Variants in JAZF1 observed in about 807,000 individuals in gnomAD.
JAZF1 encodes the protein JAZF zinc finger 1, also known as juxtaposed with another zinc finger protein 1.
JAZF1 carries 8 observed loss-of-function variants against 26.4 expected under a neutral mutation model. That is an observed-to-expected ratio of 0.30 (90% CI 0.18 to 0.55). JAZF1 has a LOEUF of 0.55. Among genes scored for constraint, JAZF1 ranks in the 20% least tolerant of loss-of-function variants. The probability of loss-of-function intolerance (pLI) is 0.94; values close to 1 mark genes in which losing one functional copy is unlikely to be tolerated. For synonymous variants in JAZF1, 126 were observed against 122.3 expected (o/e 1.03, Z -0.20); for missense variants, 199 against 322.0 (o/e 0.62, Z 2.92).
intron 2 of JAZF1, among the ~76,000 whole-genome samples, chr7:27,921,522 A>C (rs1187448724): frequency 1.3e-5 from 2 of 152,176 alleles, no homozygotes; most frequent in Non-Finnish European, 2.9e-5. Flanking sequence ...TATGTTTGTC[A>C]TAAGGGCAGA....
intron 2 of JAZF1, among the ~76,000 whole-genome samples, chr7:27,955,957 A>T (rs902380321): frequency 6.6e-6 from 1 of 152,162 alleles, no homozygotes; most frequent in South Asian, 2.1e-4. Context: ...TCTTTGGAAG[A>T]GCATCTCATG....
At chr7:28,065,729 C>T (rs1783870448) in intron 1 of JAZF1, among the ~76,000 whole-genome samples, 1 of 152,142 alleles carries the variant, frequency 6.6e-6, no homozygotes, top group Non-Finnish European at 1.5e-5. Context: ...TTTTCTTTTT[C>T]TTTCCTAGGA....
At chr7:27,909,902 AAGAC>A (rs1399215244) in intron 2 of JAZF1, among the ~76,000 whole-genome samples, 4 of 152,246 alleles carry the variant, frequency 2.6e-5, no homozygotes, top group African/African-American at 9.6e-5. Context: ...GAAGAAAGGA[AAGAC>A]AGAAGAGAAC....
At chr7:28,140,711 A>T (rs1028654770) in intron 1 of JAZF1, among the ~76,000 whole-genome samples, 1 of 152,270 alleles carries the variant, frequency 6.6e-6, no homozygotes, top group Non-Finnish European at 1.5e-5. Flanking sequence ...ATTGAATTAA[A>T]GTAGAGATAA....
intron 2 of JAZF1, among the ~76,000 whole-genome samples, chr7:27,990,430 T>TAA (rs61518395): frequency 8.8e-6 from 1 of 113,462 alleles, no homozygotes; most frequent in African/African-American, 2.8e-5. Flanking sequence ...ACTTAAAGTA[T>TAA]AAAAAAAAAA....
chr7:27,953,718 T>C (rs1785045897), intron 2 of JAZF1, among the ~76,000 whole-genome samples: 1 of 152,138 alleles, frequency 6.6e-6, no homozygotes, highest in Non-Finnish European at 1.5e-5. Flanking sequence ...AGAAAATAAA[T>C]AGACTGAAAA....
intron 3 of JAZF1, among the ~76,000 whole-genome samples, chr7:27,882,389 G>C (rs545741281): frequency 1.1e-4 from 17 of 151,908 alleles, no homozygotes; most frequent in Admixed American, 1.0e-3. Flanking sequence ...GATCTGATAA[G>C]ATCAACCCAA....
chr7:27,944,924 C>G (rs1784902952), intron 2 of JAZF1, among the ~76,000 whole-genome samples: 1 of 152,140 alleles, frequency 6.6e-6, no homozygotes, highest in Non-Finnish European at 1.5e-5. Flanking sequence ...TTTCTCTAAG[C>G]CACACCCTTT....
intron 1 of JAZF1, among the ~76,000 whole-genome samples, chr7:28,078,000 G>A (rs1293815626): frequency 1.3e-5 from 2 of 152,144 alleles, no homozygotes; most frequent in Admixed American, 6.5e-5. Flanking sequence ...GCTGTGCATG[G>A]TGGCACTTAT....
intron 1 of JAZF1, among the ~76,000 whole-genome samples, chr7:28,172,332 A>C (rs957353188): frequency 6.6e-5 from 10 of 152,198 alleles, no homozygotes; most frequent in African/African-American, 2.4e-4. Flanking sequence ...CTGTAATCAC[A>C]TCTCTTAATT....
At chr7:28,083,798 G>T (rs1446639120) in intron 1 of JAZF1, among the ~76,000 whole-genome samples, 1 of 151,584 alleles carries the variant, frequency 6.6e-6, no homozygotes, top group Non-Finnish European at 1.5e-5. Flanking sequence ...CCTGACATTG[G>T]GTAAGAAATG....
At chr7:27,937,237 G>A (rs1303491909) in intron 2 of JAZF1, among the ~76,000 whole-genome samples, 1 of 152,118 alleles carries the variant, frequency 6.6e-6, no homozygotes, top group East Asian at 1.9e-4. Context: ...CAAGCACATA[G>A]GCTTAATGTT....
At chr7:28,124,294 A>T (rs933592191) in intron 1 of JAZF1, among the ~76,000 whole-genome samples, 5 of 152,284 alleles carry the variant, frequency 3.3e-5, no homozygotes, top group African/African-American at 9.6e-5. Context: ...CTCAGAGGAG[A>T]CCAACCCTGT....
chr7:27,991,985 T>TA lies in JAZF1; in HGVS notation c.116-5dup. 6.3e-7 allele frequency: 1 copy of TA among 1,578,334 alleles called. No homozygotes were observed. Among genetic ancestry groups the TA allele is most frequent in the Non-Finnish European group, 8.7e-7 (1 of 1,147,874 alleles). On this transcript the variant is annotated splice_region_variant and splice_polypyrimidine_tract_variant and intron_variant, in intron 1 of 4. Coordinates refer to ENST00000283928, the MANE Select transcript of JAZF1 (RefSeq NM_175061.4). ...TCTAAAACCCGTGGATCTGTATCTG[T>TA]AATAAAAACACAATTACGATTTTTT... is the stretch of plus-strand genomic sequence containing the variant.
chr7:27,996,156 CT>C (rs1362488929), intron 1 of JAZF1, among the ~76,000 whole-genome samples: 4 of 152,196 alleles, frequency 2.6e-5, no homozygotes, highest in Non-Finnish European at 5.9e-5. Context: ...TCAGGTGAGG[CT>C]AATTAACGAG....
At chr7:28,180,087 C>T (rs1263358756) in intron 1 of JAZF1, among the ~76,000 whole-genome samples, 1 of 146,270 alleles carries the variant, frequency 6.8e-6, no homozygotes, top group East Asian at 2.0e-4. Flanking sequence ...CGCCCAGCTC[C>T]CGCCGCCCGC....
chr7:28,029,945 T>C (rs966797128), intron 1 of JAZF1, among the ~76,000 whole-genome samples: 6 of 152,230 alleles, frequency 3.9e-5, no homozygotes, highest in Admixed American at 1.3e-4. Flanking sequence ...GCCTCAGGTA[T>C]ACCTGGGTTA....
chr7:28,124,559 T>C (rs1309400575), intron 1 of JAZF1, among the ~76,000 whole-genome samples: 3 of 152,212 alleles, frequency 2.0e-5, no homozygotes, highest in Admixed American at 2.0e-4. Context: ...CAGAGGGGGC[T>C]GAGCCAGAAC....
intron 1 of JAZF1, among the ~76,000 whole-genome samples, chr7:28,158,861 T>G (rs1321036439): frequency 6.6e-6 from 1 of 152,118 alleles, no homozygotes; most frequent in Non-Finnish European, 1.5e-5. Flanking sequence ...TGAATGAATG[T>G]CAAGAAAATG....
Sources: allele counts gnomAD v4.1 joint callset (sites outside exome capture counted in the v4.1 genomes callset), GRCh38; gene constraint gnomAD v4.1.1; transcripts MANE v1.5; gene names NCBI Gene and HGNC (gene_info 2026-07-23, HGNC 2026-07-21).